VPS72: variants seen among roughly 807,000 people sequenced by gnomAD.
VPS72 encodes the protein vacuolar protein sorting 72 homolog.
A neutral mutation model predicts 38.9 loss-of-function variants in VPS72; 27 were observed. That is an observed-to-expected ratio of 0.69 (90% CI 0.51 to 0.96). VPS72 has a LOEUF of 0.96. VPS72 is among the 40% of genes least tolerant of loss of function. VPS72 has a pLI of 0.00. For synonymous variants in VPS72, 173 were observed against 186.3 expected (o/e 0.93, Z 0.58); for missense variants, 360 against 479.5 (o/e 0.75, Z 2.33).
intron 4 of VPS72, among the ~76,000 whole-genome samples, chr1:151,183,976 A>C (rs1424400394): frequency 1.3e-5 from 2 of 151,982 alleles, no homozygotes; most frequent in East Asian, 3.8e-4. Flanking sequence ...CTCCTGCCTA[A>C]ATTTCCTGAG....
chr1:151,184,084 T>C (rs927333964), intron 4 of VPS72, among the ~76,000 whole-genome samples: 1 of 152,202 alleles, frequency 6.6e-6, no homozygotes, highest in African/African-American at 2.4e-5. Flanking sequence ...GAACGAGGAT[T>C]TGACCTCAGT....
chr1:151,187,404 TTCC>T, intron 1 of VPS72, among the ~76,000 whole-genome samples: 1 of 152,194 alleles, frequency 6.6e-6, no homozygotes, highest in East Asian at 1.9e-4. Flanking sequence ...TGACCATCAT[TTCC>T]TCCTAACTGA....
chr1:151,185,701 A>G, intron 2 of VPS72, 81 bp from the exon 3 acceptor site: 1 of 1,608,058 alleles, frequency 6.2e-7, no homozygotes, highest in Non-Finnish European at 8.5e-7. Flanking sequence ...GAAAACTAGC[A>G]TTGCCAGAAA....
At chr1:151,186,727 T>G (rs1022668099) in intron 1 of VPS72, among the ~76,000 whole-genome samples, 3 of 152,166 alleles carry the variant, frequency 2.0e-5, no homozygotes, top group Admixed American at 1.3e-4. Flanking sequence ...AGGATTTAGA[T>G]CTAAGTAAAA....
In VPS72 at chr1:151,190,056, C is replaced by T; in HGVS notation, c.66G>A (p.Glu22=). ...TAGNRLSGLL[E]AEEEDEFYQT... ...GGTAGAACTCATCTTCCTCCTCTGCCTCCAAAAGCCCAGAAAGCCGGTTCC... is the reference window on the plus strand; with the variant it reads ...GGTAGAACTCATCTTCCTCCTCTGCTTCCAAAAGCCCAGAAAGCCGGTTCC... Residue 22 remains glutamate (E), a synonymous_variant, in exon 1 of 6, where the codon GAG becomes GAA. Coordinates refer to ENST00000368892, the MANE Select transcript of VPS72 (RefSeq NM_005997.3). 2 of 1,614,172 alleles carry T rather than the reference C, an allele frequency of 1.2e-6. No homozygotes were observed. Among genetic ancestry groups the T allele is most frequent in the Non-Finnish European group, 1.7e-6 (2 of 1,180,036 alleles).
chr1:151,185,583 G>A lies in VPS72; in HGVS notation c.308C>T (p.Thr103Ile), dbSNP rs587600132. Residue 103 changes from threonine to isoleucine, a missense_variant, in exon 3 of 6, where the codon ACC becomes ATC. Physicochemically the swap from Thr to Ile is moderately conservative, Grantham distance 89. Coordinates refer to ENST00000368892, the MANE Select transcript of VPS72 (RefSeq NM_005997.3). ...LKSLRPRKVNTPAGSSQKARE... is the reference protein window; with the variant it reads ...LKSLRPRKVNIPAGSSQKARE... ...CGCCTTCTGAGAGCTACCAGCCGGG[G>A]TGTTGACCTTTCGAGGCCTTAAGCT... is the stretch of plus-strand genomic sequence containing the variant. The A allele has an allele frequency of 5.0e-6, 8 of 1,614,168 alleles. No individual in the cohort carries two copies. The East Asian group carries it at 1.8e-4, about 36-fold the overall frequency.
intron 4 of VPS72, 143 bp downstream of exon 4, chr1:151,184,174 A>T: frequency 1.8e-6 from 2 of 1,115,794 alleles, no homozygotes; most frequent in Non-Finnish European, 2.6e-6. Context: ...TCTTGCACCT[A>T]ATTACCTACT....
intron 1 of VPS72, among the ~76,000 whole-genome samples, chr1:151,187,531 C>T (rs189083060): frequency 1.5e-3 from 223 of 152,322 alleles, no homozygotes; most frequent in Non-Finnish European, 2.5e-3. Flanking sequence ...GCCCAATCAA[C>T]ATACTTGCAC....
At chr1:151,177,398 AAAAAAG>A (rs1312735263) in intron 5 of VPS72, among the ~76,000 whole-genome samples, 1 of 151,280 alleles carries the variant, frequency 6.6e-6, no homozygotes, top group Admixed American at 6.6e-5. Context: ...AAAAAAAAAA[AAAAAAG>A]AAAAGAAAGA....
chr1:151,185,791 C>G lies in VPS72; in HGVS notation c.270+7G>C, dbSNP rs778465301. On this transcript the variant is annotated splice_region_variant and intron_variant, in intron 2 of 5. Transcript: ENST00000368892. ...GAAATCCAAGACAACTAGGACTCCC[C>G]CTGTACCTTATAGGCCTTGGTGACT... The G allele has an allele frequency of 6.2e-7, 1 of 1,614,074 alleles. No homozygotes were observed. Among genetic ancestry groups the G allele is most frequent in the Non-Finnish European group, 8.5e-7 (1 of 1,179,966 alleles).
chr1:151,181,160 G>A (rs587611443), intron 4 of VPS72, among the ~76,000 whole-genome samples: 8 of 152,038 alleles, frequency 5.3e-5, no homozygotes, highest in East Asian at 1.9e-4. Context: ...TGGTGACTTC[G>A]AAGTGCACAT....
chr1:151,178,516 C>A (rs1350560917), intron 4 of VPS72, among the ~76,000 whole-genome samples: 1 of 152,122 alleles, frequency 6.6e-6, no homozygotes, highest in East Asian at 1.9e-4. Context: ...GTAATCCCAG[C>A]TACTTGGGAA....
At chr1:151,188,298 A>G (rs149609445) in intron 1 of VPS72, among the ~76,000 whole-genome samples, 1,842 of 152,226 alleles carry the variant, frequency 0.012, 32 homozygotes, top group African/African-American at 0.041. Flanking sequence ...AGCCTCCCAA[A>G]GTGCTGGAAT....
intron 4 of VPS72, among the ~76,000 whole-genome samples, chr1:151,178,766 C>T (rs953330300): frequency 2.0e-5 from 3 of 152,156 alleles, no homozygotes; most frequent in African/African-American, 7.2e-5. Flanking sequence ...AGTAACTGTT[C>T]CTCCTTTCAG....
chr1:151,176,398 C>A lies in VPS72; in HGVS notation c.*246G>T. 1.9e-6 allele frequency: 1 copy of A among 536,152 alleles called. No individual in the cohort carries two copies. Among genetic ancestry groups the A allele is most frequent in the Non-Finnish European group, 3.2e-6 (1 of 310,842 alleles). 33.2% of individuals were successfully genotyped at this position (536,152 alleles called of 1,614,324 possible). On this transcript the variant is annotated 3_prime_UTR_variant, in exon 6 of 6. Transcript: ENST00000368892. ...CATAATAAATGCTATCGAATAAAGA[C>A]CCAAATATATGCAGGTATTCAAATA...
Position 151,185,928 on chromosome 1 carries a change from T to G in VPS72, c.140A>C (p.Gln47Pro), listed in dbSNP as rs1684338779. The change falls in exon 2 of 6, where the codon CAA becomes CCA. Residue 47 changes from glutamine (Q) to proline (P), a missense_variant. This residue lies in a region of VPS72 where 66 missense variants were observed against 123.1 expected (regional missense o/e 0.54). Transcript: ENST00000368892. ...FTEESGDDEY[Q>P]GDQSDTEDEV... The stretch of plus-strand genomic sequence containing the variant: ...GTCCTCTGTGTCTGACTGGTCCCCT[T>G]GATACTCATCATCTCCGGATTCCTA... 6.2e-7 allele frequency: 1 copy of G among 1,614,034 alleles called. No homozygotes were observed. Among genetic ancestry groups the G allele is most frequent in the Non-Finnish European group, 8.5e-7 (1 of 1,180,026 alleles).
At chr1:151,180,358 T>C (rs897641861) in intron 4 of VPS72, among the ~76,000 whole-genome samples, 1 of 152,034 alleles carries the variant, frequency 6.6e-6, no homozygotes, top group Non-Finnish European at 1.5e-5. Context: ...CTTCCAATGA[T>C]TGAACCTCTC....
chr1:151,184,958 A>G (rs1487913844), intron 3 of VPS72, among the ~76,000 whole-genome samples: 2 of 152,084 alleles, frequency 1.3e-5, no homozygotes, highest in Non-Finnish European at 2.9e-5. Flanking sequence ...CCCATCACCT[A>G]TTGGTAATAT....
rs1684100329 is a variant in VPS72, at chr1:151,176,482, G to T, written c.*162C>A. The T allele has an allele frequency of 2.4e-6, 3 of 1,228,532 alleles. No individual in the cohort carries two copies. Among genetic ancestry groups the T allele is most frequent in the Admixed American group, 2.4e-5 (1 of 42,128 alleles). 76.1% of individuals were successfully genotyped at this position (1,228,532 alleles called of 1,614,324 possible). A position where few individuals can be genotyped will look rare whatever the true frequency, so the allele number is the denominator to read the frequency against. On this transcript the variant is annotated 3_prime_UTR_variant, in exon 6 of 6. Transcript: ENST00000368892. Reference sequence around the variant, plus strand: ...CAAAAGGGATCTTTCTATTTTATTAGATTAAAAAACACAACGAAACCTGTA... The same window carrying T: ...CAAAAGGGATCTTTCTATTTTATTATATTAAAAAACACAACGAAACCTGTA...
Sources: gnomAD v4.1 joint callset for allele counts (sites outside exome capture counted in the v4.1 genomes callset) on GRCh38, gnomAD v4.1.1 for gene constraint, gnomAD v4.1.1 regional missense constraint, MANE v1.5 for transcripts, NCBI Gene and HGNC (gene_info 2026-07-23, HGNC 2026-07-21) for gene names.